ALG14: variants seen among roughly 807,000 people sequenced by gnomAD.
ALG14 encodes UDP-N-acetylglucosamine transferase subunit ALG14.
In ALG14, 17 loss-of-function variants were observed where a neutral mutation model predicts 22.8. The ratio of observed to expected loss-of-function variants is 0.75; its 90% CI spans 0.51 to 1.12. ALG14 has a LOEUF of 1.12. Ranked by LOEUF, ALG14 falls within the 50% of genes most tolerant of loss-of-function variation. The probability of loss-of-function intolerance (pLI) is 0.00; values close to 1 mark genes in which losing one functional copy is unlikely to be tolerated. For missense variants in ALG14, 288 were observed against 271.8 expected, an observed-to-expected ratio of 1.06 and a Z score of -0.42; for synonymous variants, 89 against 103.7, an observed-to-expected ratio of 0.86 and a Z score of 0.86.
At chr1:95,000,788 A>AG (rs1673044279) in intron 3 of ALG14, among the ~76,000 whole-genome samples, 1 of 127,440 alleles carries the variant, frequency 7.8e-6, no homozygotes, top group African/African-American at 2.8e-5. Context: ...AAAAAAAAAA[A>AG]AAAAAAAAAA....
intron 3 of ALG14, among the ~76,000 whole-genome samples, chr1:95,016,940 GGGGTGTGTGT>G (rs1450470922): frequency 1.9e-4 from 22 of 118,516 alleles, no homozygotes; most frequent in African/African-American, 6.9e-4. Context: ...TTTTGCAAAA[GGGGTGTGTGT>G]GTGTGTGTGT....
chr1:95,058,840 A>G (rs1675034802), intron 2 of ALG14, among the ~76,000 whole-genome samples: 1 of 151,924 alleles, frequency 6.6e-6, no homozygotes, highest in Admixed American at 6.6e-5. Context: ...GTGATACTTG[A>G]GCTAGGAGAA....
At chr1:95,023,570 T>C (rs1395497252) in intron 3 of ALG14, among the ~76,000 whole-genome samples, 2 of 152,152 alleles carry the variant, frequency 1.3e-5, no homozygotes, top group Non-Finnish European at 2.9e-5. Flanking sequence ...AAATTTGTCA[T>C]GGTGAATTAA....
intron 3 of ALG14, among the ~76,000 whole-genome samples, chr1:95,026,917 G>A (rs1673836768): frequency 1.3e-5 from 2 of 152,164 alleles, no homozygotes; most frequent in Non-Finnish European, 1.5e-5. Flanking sequence ...AATGAGATAC[G>A]ATAAACTGGG....
At chr1:95,000,777 T>TAAAAAAAAAAAAAAAAAAAAAAAAAAAAA (rs56810994) in intron 3 of ALG14, among the ~76,000 whole-genome samples, 1 of 65,220 alleles carries the variant, frequency 1.5e-5, no homozygotes, top group Non-Finnish European at 3.1e-5. Flanking sequence ...TATGCCACAC[T>TAAAAAAAAAAAAAAAAAAAAAAAAAAAAA]AAAAAAAAAA....
Position 94,977,798 on chromosome 1 carries a change from A to G in ALG14, c.*5278T>C, listed in dbSNP as rs901843135. The stretch of plus-strand genomic sequence containing the variant: ...CAAGTAGCTGGAACTATAGGTGTGC[A>G]TCACCATGCCTGGCTAATTTTTGTA... On this transcript the variant is annotated 3_prime_UTR_variant, in exon 4 of 4. Transcript: ENST00000370205. 11 of 151,754 alleles carry G rather than the reference A, an allele frequency of 7.2e-5. No homozygotes were observed. The South Asian group carries it at 1.9e-3, about 26-fold the overall frequency. 9.4% of individuals were successfully genotyped at this position (151,754 alleles called of 1,614,324 possible). A position where few individuals can be genotyped will look rare whatever the true frequency, so the allele number is the denominator to read the frequency against.
At chr1:95,017,243 T>C (rs1303466276) in intron 3 of ALG14, among the ~76,000 whole-genome samples, 1 of 152,096 alleles carries the variant, frequency 6.6e-6, no homozygotes, top group East Asian at 1.9e-4. Flanking sequence ...AGTCCATCAG[T>C]AATCCCTAAG....
At chr1:94,988,018 A>C (rs946672742) in intron 3 of ALG14, among the ~76,000 whole-genome samples, 4 of 152,216 alleles carry the variant, frequency 2.6e-5, no homozygotes, top group African/African-American at 9.7e-5. Context: ...ACACAGCTGC[A>C]GGGAAAGCTT....
chr1:95,029,236 G>T (rs1369956171), intron 2 of ALG14, among the ~76,000 whole-genome samples: 4 of 152,126 alleles, frequency 2.6e-5, no homozygotes, highest in African/African-American at 9.7e-5. Context: ...GCTGATTGCT[G>T]GTTGGTGTCC....
intron 3 of ALG14, among the ~76,000 whole-genome samples, chr1:95,026,746 T>C (rs1352258505): frequency 6.6e-6 from 1 of 152,076 alleles, no homozygotes; most frequent in African/African-American, 2.4e-5. Flanking sequence ...CTGGAAAACA[T>C]GGTGAAACCC....
chr1:95,002,888 A>T (rs908453600), intron 3 of ALG14, among the ~76,000 whole-genome samples: 9 of 152,166 alleles, frequency 5.9e-5, no homozygotes, highest in African/African-American at 1.7e-4. Context: ...AGTGTTTTTC[A>T]CCCTGTTTCA....
At chr1:95,062,205 ATAAT>A (rs1352550594) in intron 2 of ALG14, 3 of 152,232 alleles carry the variant, frequency 2.0e-5, no homozygotes, top group African/African-American at 7.2e-5. Context: ...TAAAAATAAA[ATAAT>A]TTTCACTATT....
chr1:94,991,602 G>A (rs573182788), intron 3 of ALG14, among the ~76,000 whole-genome samples: 2 of 152,330 alleles, frequency 1.3e-5, no homozygotes, highest in South Asian at 4.1e-4. Flanking sequence ...AGGTGAGTCA[G>A]TGAGTGGTGA....
chr1:95,000,777 TAA>T (rs56810994), intron 3 of ALG14, among the ~76,000 whole-genome samples: 21 of 65,216 alleles, frequency 3.2e-4, no homozygotes, highest in Middle Eastern at 9.6e-3. Flanking sequence ...TATGCCACAC[TAA>T]AAAAAAAAAA....
chr1:95,033,295 A>G (rs986110260), intron 2 of ALG14, among the ~76,000 whole-genome samples: 8 of 151,848 alleles, frequency 5.3e-5, no homozygotes, highest in Admixed American at 2.6e-4. Context: ...CTGGATTCCT[A>G]TAGACCAAGG....
rs938598231 is a variant in ALG14, at chr1:95,050,382, C to T, written c.288+14484G>A. On this transcript the variant is annotated intron_variant, in intron 2 of 3. Transcript: ENST00000370205. ...AGGAAAATTGGGGGAGAGAGGGGTG[C>T]TATTTACACAAATGGTGCAGAATAG... Among the ~76,000 whole-genome samples, 23 of 152,152 alleles carry T rather than the reference C, an allele frequency of 1.5e-4. 1 individual carries two copies. Among genetic ancestry groups the T allele is most frequent in the Admixed American group, 6.5e-4 (10 of 15,268 alleles).
Position 94,979,682 on chromosome 1 carries a change from T to C in ALG14, c.*3394A>G, listed in dbSNP as rs1488075523. On this transcript the variant is annotated 3_prime_UTR_variant, in exon 4 of 4. Coordinates refer to ENST00000370205, the MANE Select transcript of ALG14 (RefSeq NM_144988.4). ...AGAAAGAGTGAAAAAGCAAAAATGA[T>C]CCCAAAGTTTGTTGCTTGAGGGACA... The C allele has an allele frequency of 6.6e-6, 1 of 152,052 alleles. No individual in the cohort carries two copies. The highest frequency in any genetic ancestry group is 1.9e-4 in the East Asian group (1 of 5,174). 9.4% of individuals were successfully genotyped at this position (152,052 alleles called of 1,614,324 possible). A position where few individuals can be genotyped will look rare whatever the true frequency, so the allele number is the denominator to read the frequency against.
chr1:95,044,088 A>G (rs1188495485), intron 2 of ALG14, among the ~76,000 whole-genome samples: 1 of 152,174 alleles, frequency 6.6e-6, no homozygotes, highest in South Asian at 2.1e-4. Flanking sequence ...ATTGCTCAGA[A>G]CAGCTTTGTA....
intron 3 of ALG14, among the ~76,000 whole-genome samples, chr1:94,987,643 T>C (rs1571575213): frequency 6.6e-6 from 1 of 152,142 alleles, no homozygotes; most frequent in African/African-American, 2.4e-5. Flanking sequence ...TCTGCATGTA[T>C]GAAAAGACAT....
Sources: gnomAD v4.1 joint callset for allele counts (sites outside exome capture counted in the v4.1 genomes callset) on GRCh38, gnomAD v4.1.1 for gene constraint, MANE v1.5 for transcripts, NCBI Gene and HGNC (gene_info 2026-07-23, HGNC 2026-07-21) for gene names.